ONECUT1: variants seen among roughly 807,000 people sequenced by gnomAD.
ONECUT1 encodes hepatocyte nuclear factor 6.
A neutral mutation model predicts 25.6 loss-of-function variants in ONECUT1; 12 were observed. That is an observed-to-expected ratio of 0.47 (90% CI 0.30 to 0.76). The LOEUF (loss-of-function observed/expected upper bound fraction) is 0.76, where lower values mean the gene tolerates loss of function less well. ONECUT1 is among the 30% of genes least tolerant of loss of function. The pLI is 0.07. For synonymous variants in ONECUT1, 285 were observed against 270.2 expected (o/e 1.05, Z -0.54); for missense variants, 620 against 651.2 (o/e 0.95, Z 0.52).
In ONECUT1 at chr15:52,757,247, A is replaced by G. The variant is rs1264903325; in HGVS notation, c.*308T>C. Reference sequence around the variant, plus strand: ...AAAGATGTCCGCTCAATGGCTCAAAATCACTATGCTCCAAACCACTAAACA... The same window carrying G: ...AAAGATGTCCGCTCAATGGCTCAAAGTCACTATGCTCCAAACCACTAAACA... On this transcript the variant is annotated 3_prime_UTR_variant, in exon 2 of 2. Transcript: ENST00000305901. 3.2e-6 allele frequency: 1 copy of G among 313,672 alleles called. No individual in the cohort carries two copies. The highest frequency in any genetic ancestry group is 2.2e-5 in the African/African-American group (1 of 45,710). The allele number at this position is 313,672 out of a possible 1,614,324, so 19.4% of individuals were successfully genotyped here.
chr15:52,763,020 G>A (rs2083714699), intron 1 of ONECUT1, among the ~76,000 whole-genome samples: 1 of 152,158 alleles, frequency 6.6e-6, no homozygotes, highest in South Asian at 2.1e-4. Flanking sequence ...ATGACAAGAA[G>A]TAGTGCTGCT....
At chr15:52,772,825 G>A (rs1225146729) in intron 1 of ONECUT1, among the ~76,000 whole-genome samples, 1 of 152,212 alleles carries the variant, frequency 6.6e-6, no homozygotes, top group South Asian at 2.1e-4. Flanking sequence ...TACTGGGCTT[G>A]TTTTAGGGTT....
intron 1 of ONECUT1, among the ~76,000 whole-genome samples, chr15:52,761,497 CCT>C (rs1256572205): frequency 6.6e-6 from 1 of 152,088 alleles, no homozygotes; most frequent in Non-Finnish European, 1.5e-5. Context: ...ATGGTGAAAC[CCT>C]GTCTCTACTA....
Position 52,757,415 on chromosome 15 carries a change from G to T in ONECUT1, c.*140C>A, listed in dbSNP as rs1596043638. On this transcript the variant is annotated 3_prime_UTR_variant, in exon 2 of 2. Coordinates refer to ENST00000305901, the MANE Select transcript of ONECUT1 (RefSeq NM_004498.4). ...CAGAATGCAGGTGAGCTAAGTCTTT[G>T]GTTTCTTTGGACTATAAATAACGCT... The T allele has an allele frequency of 2.1e-6, 2 of 949,538 alleles. No homozygotes were observed. Among genetic ancestry groups the T allele is most frequent in the Non-Finnish European group, 3.1e-6 (2 of 653,306 alleles). The allele number at this position is 949,538 out of a possible 1,614,324, so 58.8% of individuals were successfully genotyped here.
At chr15:52,783,002 T>C (rs539291043) in intron 1 of ONECUT1, among the ~76,000 whole-genome samples, 43 of 152,372 alleles carry the variant, frequency 2.8e-4, no homozygotes, top group African/African-American at 9.9e-4. Flanking sequence ...TGGTATGCTC[T>C]GTAAGAACGA....
intron 1 of ONECUT1, among the ~76,000 whole-genome samples, chr15:52,785,386 G>A (rs2141464179): frequency 6.6e-6 from 1 of 152,128 alleles, no homozygotes; most frequent in African/African-American, 2.4e-5. Flanking sequence ...AGGTCGTTCT[G>A]GGGCAAACAC....
At position 52,761,497 on chromosome 15, in the gene ONECUT1, C is replaced by A. The variant is rs150835033; in HGVS notation, c.1106-3650G>T. On this transcript the variant is annotated intron_variant, in intron 1 of 1. Coordinates refer to ENST00000305901, the MANE Select transcript of ONECUT1 (RefSeq NM_004498.4). The stretch of plus-strand genomic sequence containing the variant: ...ACCAACCTGGCCAACATGGTGAAAC[C>A]CTGTCTCTACTAAACATACAAAAAT... Among the ~76,000 whole-genome samples, 89 of 152,208 alleles carry A rather than the reference C, an allele frequency of 5.8e-4. 1 individual carries two copies. In the East Asian group the frequency reaches 0.017, roughly 29 times the overall value.
intron 1 of ONECUT1, among the ~76,000 whole-genome samples, chr15:52,785,547 G>A (rs1310652346): frequency 1.3e-5 from 2 of 152,184 alleles, no homozygotes; most frequent in Non-Finnish European, 2.9e-5. Flanking sequence ...GCGGTGCTGC[G>A]CTTGCTGTTG....
intron 1 of ONECUT1, among the ~76,000 whole-genome samples, chr15:52,758,817 C>T (rs1337837519): frequency 6.6e-6 from 1 of 152,114 alleles, no homozygotes; most frequent in Non-Finnish European, 1.5e-5. Context: ...AAGTCTCTTT[C>T]CACCCTAATG....
rs922485116 is a variant in ONECUT1 at position 52,789,938 on chromosome 15, C to A, written c.-54G>T. 2.3e-5 allele frequency: 34 copies of A among 1,468,652 alleles called. No homozygotes were observed. Among genetic ancestry groups the A allele is most frequent in the East Asian group, 5.4e-5 (2 of 36,970 alleles). 91.0% of individuals were successfully genotyped at this position (1,468,652 alleles called of 1,614,324 possible). ...CAACATCGATGTGGCCAGGCAGAGG[C>A]GGCGAGGGGCGCACGGAGTCCGGTC... On this transcript the variant is annotated 5_prime_UTR_variant, in exon 1 of 2. Coordinates refer to ENST00000305901, the MANE Select transcript of ONECUT1 (RefSeq NM_004498.4). This position sits in a 1 kb window ranked among gnomAD's most constrained non-coding sequence, Gnocchi z 4.1.
Position 52,756,749 on chromosome 15 carries a change from T to G in ONECUT1, c.*806A>C, listed in dbSNP as rs1006694338. Reference sequence around the variant, plus strand: ...TCATGATTCTATGTGGCATGTGTATTACAGCTAGATCAGTTCATACGTATA... The same window carrying G: ...TCATGATTCTATGTGGCATGTGTATGACAGCTAGATCAGTTCATACGTATA... On this transcript the variant is annotated 3_prime_UTR_variant, in exon 2 of 2. Coordinates refer to ENST00000305901, the MANE Select transcript of ONECUT1 (RefSeq NM_004498.4). 6.6e-6 allele frequency among the ~76,000 whole-genome samples: 1 copy of G among 152,252 alleles called. No individual in the cohort carries two copies. Among genetic ancestry groups the G allele is most frequent in the African/African-American group, 2.4e-5 (1 of 41,474 alleles).
chr15:52,789,442 C>T lies in ONECUT1; in HGVS notation c.443G>A (p.Ser148Asn). 6.2e-7 allele frequency: 1 copy of T among 1,613,836 alleles called. No homozygotes were observed. Among genetic ancestry groups the T allele is most frequent in the South Asian group, 1.1e-5 (1 of 91,064 alleles). ...HQRLAGNVSG[S>N]FTLMRDERGL... ...GCGCTCATCCCGCATGAGCGTGAAGCTACCGCTCACGTTGCCCGCCAGGCG... is the reference window on the plus strand; with the variant it reads ...GCGCTCATCCCGCATGAGCGTGAAGTTACCGCTCACGTTGCCCGCCAGGCG... The change falls in exon 1 of 2, where the codon AGC becomes AAC. Residue 148 changes from serine to asparagine, a missense_variant. Physicochemically the swap from Ser to Asn is conservative, Grantham distance 46. Around this residue, in one of 4 missense-constraint regions of ONECUT1, gnomAD observed 440 missense variants for 404.9 expected, o/e 1.09. Coordinates refer to ENST00000305901, the MANE Select transcript of ONECUT1 (RefSeq NM_004498.4). The surrounding 1 kb of genome is among the most constrained non-coding windows in gnomAD (Gnocchi z 4.1).
At chr15:52,775,186 T>TTA (rs1555415945) in intron 1 of ONECUT1, among the ~76,000 whole-genome samples, 52 of 135,638 alleles carry the variant, frequency 3.8e-4, no homozygotes, top group African/African-American at 1.3e-3. Context: ...CAAGACTGTC[T>TTA]AAAAAAAAAA....
intron 1 of ONECUT1, among the ~76,000 whole-genome samples, chr15:52,773,070 G>C (rs1335296751): frequency 6.6e-6 from 1 of 152,168 alleles, no homozygotes; most frequent in African/African-American, 2.4e-5. Context: ...GCTGGGGCGT[G>C]GGTATGGCAG....
Position 52,789,962 on chromosome 15 carries a change from T to A in ONECUT1, c.-78A>T. On this transcript the variant is annotated 5_prime_UTR_variant, in exon 1 of 2. Coordinates refer to ENST00000305901, the MANE Select transcript of ONECUT1 (RefSeq NM_004498.4). The surrounding 1 kb of genome is among the most constrained non-coding windows in gnomAD (Gnocchi z 4.1). Reference sequence around the variant, plus strand: ...GCGGCGAGGGGCGCACGGAGTCCGGTCTTCACATCGGCTGCTGGCGACTGT... The same window carrying A: ...GCGGCGAGGGGCGCACGGAGTCCGGACTTCACATCGGCTGCTGGCGACTGT... 6.9e-7 allele frequency: 1 copy of A among 1,451,418 alleles called. No homozygotes were observed. The highest frequency in any genetic ancestry group is 1.4e-5 in the South Asian group (1 of 69,848). The allele number at this position is 1,451,418 out of a possible 1,614,324, so 89.9% of individuals were successfully genotyped here.
chr15:52,777,744 A>AC (rs1555416131), intron 1 of ONECUT1, among the ~76,000 whole-genome samples: 27 of 146,856 alleles, frequency 1.8e-4, no homozygotes, highest in Middle Eastern at 3.5e-3. Flanking sequence ...ACACAAAAAA[A>AC]CATGTAAAGT....
At chr15:52,776,403 G>C (rs989201770) in intron 1 of ONECUT1, among the ~76,000 whole-genome samples, 1 of 152,136 alleles carries the variant, frequency 6.6e-6, no homozygotes, top group Admixed American at 6.5e-5. Context: ...CTCGACTTTA[G>C]AAATAGCTCT....
In ONECUT1 at chr15:52,759,663, A is replaced by G. The variant is rs565838947; in HGVS notation, c.1106-1816T>C. On this transcript the variant is annotated intron_variant, in intron 1 of 1. Coordinates refer to ENST00000305901, the MANE Select transcript of ONECUT1 (RefSeq NM_004498.4). ...TGCCCAGGCTGGATACAGTGGTGCA[A>G]TCTTGGCACACTGCAACCTCTGCCT... 1.4e-4 allele frequency among the ~76,000 whole-genome samples: 21 copies of G among 152,318 alleles called. No homozygotes were observed. The South Asian group carries it at 2.9e-3, about 21-fold the overall frequency.
chr15:52,780,458 T>C, intron 1 of ONECUT1: 1 of 791,922 alleles, frequency 1.3e-6, no homozygotes, highest in South Asian at 2.0e-5. Context: ...TAACTTTCTT[T>C]CTGAGTCCTT....
Sources: gnomAD v4.1 joint callset for allele counts (sites outside exome capture counted in the v4.1 genomes callset) on GRCh38, gnomAD v4.1.1 for gene constraint, gnomAD v4.1.1 regional missense constraint, Gnocchi (gnomAD v3.1) non-coding constraint, MANE v1.5 for transcripts, NCBI Gene and HGNC (gene_info 2026-07-23, HGNC 2026-07-21) for gene names.